PRKN: variants seen among roughly 807,000 people sequenced by gnomAD.
PRKN encodes the protein parkin RBR E3 ubiquitin protein ligase.
A neutral mutation model predicts 59.5 loss-of-function variants in PRKN; 56 were observed. The observed-to-expected ratio is 0.94, with a 90% CI of 0.76 to 1.18. PRKN has a LOEUF of 1.18. Among genes scored for constraint, PRKN ranks in the 50% most tolerant of loss-of-function variants. PRKN has a pLI of 0.00. For missense variants in PRKN, 657 were observed against 596.4 expected, an observed-to-expected ratio of 1.10 and a Z score of -1.06; for synonymous variants, 250 against 222.1, an observed-to-expected ratio of 1.13 and a Z score of -1.12.
intron 1 of PRKN, among the ~76,000 whole-genome samples, chr6:162,538,021 T>C (rs1778788228): frequency 6.6e-6 from 1 of 152,208 alleles, no homozygotes; most frequent in Non-Finnish European, 1.5e-5. Context: ...GGTATAAATA[T>C]AGTCATCTTC....
At position 161,593,933 on chromosome 6, in the gene PRKN, C is replaced by T. The variant is rs1483153960; in HGVS notation, c.872-24517G>A. 4.0e-5 allele frequency among the ~76,000 whole-genome samples: 6 copies of T among 151,136 alleles called. No individual in the cohort carries two copies. Among genetic ancestry groups the T allele is most frequent in the Admixed American group, 1.3e-4 (2 of 15,156 alleles). On this transcript the variant is annotated intron_variant, in intron 7 of 11. Coordinates refer to ENST00000366898, the MANE Select transcript of PRKN (RefSeq NM_004562.3). This position sits in a 1 kb window ranked among gnomAD's most constrained non-coding sequence, Gnocchi z 4.8. ...TTGGGAGGCTGAGGTGGGCAGATCACGAGGTCAGGAGTTTGAGACCAGCCT... is the reference window on the plus strand; with the variant it reads ...TTGGGAGGCTGAGGTGGGCAGATCATGAGGTCAGGAGTTTGAGACCAGCCT...
chr6:161,587,235 G>C (rs1320182435), intron 7 of PRKN, among the ~76,000 whole-genome samples: 1 of 152,176 alleles, frequency 6.6e-6, no homozygotes, highest in Non-Finnish European at 1.5e-5. Context: ...AGGTATCTCT[G>C]CTGTCTACTC....
chr6:161,713,572 G>T (rs888195906), intron 7 of PRKN, among the ~76,000 whole-genome samples: 2 of 152,072 alleles, frequency 1.3e-5, no homozygotes, highest in Non-Finnish European at 2.9e-5. Flanking sequence ...GACAGTAACT[G>T]GGGACAAAGA....
intron 1 of PRKN, among the ~76,000 whole-genome samples, chr6:162,496,645 G>A (rs1893108): frequency 1.3e-5 from 2 of 152,098 alleles, no homozygotes; most frequent in South Asian, 4.1e-4. Context: ...CTGGCTCCTC[G>A]CAATGATCCT....
intron 6 of PRKN, among the ~76,000 whole-genome samples, chr6:161,793,558 C>T (rs2128208614): frequency 6.6e-6 from 1 of 151,564 alleles, no homozygotes; most frequent in South Asian, 2.1e-4. Context: ...ATGTCACATC[C>T]TATAAAAGTG....
Position 162,059,074 on chromosome 6 carries a change from A to C in PRKN, c.535-4900T>G, listed in dbSNP as rs1249717952. ...ACCTCAAAGTCTAGAATTCAGTGAG[A>C]CTTTTCTGTGCATATCACAGATGTT... is the stretch of plus-strand genomic sequence containing the variant. On this transcript the variant is annotated intron_variant, in intron 4 of 11. Coordinates refer to ENST00000366898, the MANE Select transcript of PRKN (RefSeq NM_004562.3). 3.3e-5 allele frequency among the ~76,000 whole-genome samples: 5 copies of C among 152,110 alleles called. No individual in the cohort carries two copies. The East Asian group carries it at 9.7e-4, about 29-fold the overall frequency.
intron 2 of PRKN, among the ~76,000 whole-genome samples, chr6:162,303,279 CCA>C (rs770527304): frequency 2.6e-5 from 4 of 152,070 alleles, no homozygotes; most frequent in Non-Finnish European, 5.9e-5. Context: ...AAACTTACAC[CCA>C]GTTTTCAAAG....
intron 7 of PRKN, among the ~76,000 whole-genome samples, chr6:161,571,168 C>T (rs1780874184): frequency 6.6e-6 from 1 of 152,130 alleles, no homozygotes; most frequent in Non-Finnish European, 1.5e-5. Context: ...TGGTCTCAAG[C>T]TCCTGGGCTC....
chr6:162,149,440 C>T (rs573740607), intron 4 of PRKN, among the ~76,000 whole-genome samples: 4 of 152,112 alleles, frequency 2.6e-5, no homozygotes, highest in African/African-American at 9.6e-5. Context: ...AGACAGATTG[C>T]ACTGTGTTCG....
At chr6:162,479,379 A>T (rs1370414985) in intron 1 of PRKN, among the ~76,000 whole-genome samples, 2 of 151,924 alleles carry the variant, frequency 1.3e-5, no homozygotes, top group African/African-American at 4.8e-5. Flanking sequence ...GCGCATGCCA[A>T]CATCCCCAGC....
At chr6:162,317,854 T>C (rs1334540557) in intron 2 of PRKN, among the ~76,000 whole-genome samples, 1 of 152,158 alleles carries the variant, frequency 6.6e-6, no homozygotes, top group South Asian at 2.1e-4. Context: ...GCTGGCTACA[T>C]TCAGTTCAGT....
At chr6:161,426,510 C>T (rs777528158) in intron 9 of PRKN, among the ~76,000 whole-genome samples, 12 of 152,162 alleles carry the variant, frequency 7.9e-5, no homozygotes, top group East Asian at 3.9e-4. Context: ...TGGATGCTTC[C>T]GGCCCTTGAA....
chr6:162,502,446 C>T (rs868429713), intron 1 of PRKN, among the ~76,000 whole-genome samples: 1 of 152,180 alleles, frequency 6.6e-6, no homozygotes, highest in African/African-American at 2.4e-5. Context: ...CTGTGAGCCA[C>T]CTTGCCTGGC....
chr6:162,432,075 A>C lies in PRKN; in HGVS notation c.171+11235T>G, dbSNP rs571351345. ...TTAAAAATTTCCAATTGTTTATATC[A>C]GTGAACAGGGCTGAATAACCAATGT... is the stretch of plus-strand genomic sequence containing the variant. On this transcript the variant is annotated intron_variant, in intron 2 of 11. Coordinates refer to ENST00000366898, the MANE Select transcript of PRKN (RefSeq NM_004562.3). Among the ~76,000 whole-genome samples, 7 of 152,308 alleles carry C rather than the reference A, an allele frequency of 4.6e-5. No homozygotes were observed. The South Asian group carries it at 1.5e-3, about 32-fold the overall frequency.
chr6:161,408,482 CTTT>C (rs11313718), intron 9 of PRKN, among the ~76,000 whole-genome samples: 13 of 133,058 alleles, frequency 9.8e-5, no homozygotes, highest in Admixed American at 1.5e-4. Flanking sequence ...CTAGGTTTTC[CTTT>C]TTTTTTTTTT....
intron 1 of PRKN, among the ~76,000 whole-genome samples, chr6:162,538,146 C>A (rs1013129513): frequency 1.3e-5 from 2 of 152,128 alleles, no homozygotes; most frequent in Admixed American, 1.3e-4. Context: ...CGCCTGTAAT[C>A]CCAGCACTTT....
intron 6 of PRKN, among the ~76,000 whole-genome samples, chr6:161,791,563 T>A (rs1291899170): frequency 6.6e-6 from 1 of 152,220 alleles, no homozygotes; most frequent in African/African-American, 2.4e-5. Context: ...GTGTACATCT[T>A]CATTTATACT....
At chr6:161,652,819 A>T (rs1784198303) in intron 7 of PRKN, among the ~76,000 whole-genome samples, 1 of 152,216 alleles carries the variant, frequency 6.6e-6, no homozygotes, top group South Asian at 2.1e-4. Flanking sequence ...CAAAGCAGAA[A>T]ATACTTTAAA....
chr6:161,883,048 A>C (rs527834573), intron 6 of PRKN, among the ~76,000 whole-genome samples: 1 of 151,998 alleles, frequency 6.6e-6, no homozygotes, highest in Admixed American at 6.6e-5. Context: ...AAAACCAAAA[A>C]AACTCCAGGT....
Sources: allele counts gnomAD v4.1 joint callset (sites outside exome capture counted in the v4.1 genomes callset), GRCh38; gene constraint gnomAD v4.1.1; non-coding constraint Gnocchi (gnomAD v3.1); transcripts MANE v1.5; gene names NCBI Gene and HGNC (gene_info 2026-07-23, HGNC 2026-07-21).